Variants in DZIP1L observed in about 807,000 individuals in gnomAD.
DZIP1L encodes the protein cilium assembly protein DZIP1L.
Under a neutral mutation model 88.7 loss-of-function variants are expected in DZIP1L, and 90 were observed. The observed-to-expected ratio is 1.02, with a 90% CI of 0.86 to 1.21. DZIP1L has a LOEUF of 1.21. Ranked by LOEUF, DZIP1L falls within the 50% of genes most tolerant of loss-of-function variation. The probability of loss-of-function intolerance (pLI) is 0.00; values close to 1 mark genes in which losing one functional copy is unlikely to be tolerated. For synonymous variants in DZIP1L, 363 were observed against 372.1 expected, an observed-to-expected ratio of 0.98 and a Z score of 0.28; for missense variants, 932 against 955.8, an observed-to-expected ratio of 0.98 and a Z score of 0.33.
In DZIP1L at chr3:138,103,859, A is replaced by G; in HGVS notation, c.113T>C (p.Ile38Thr). The G allele has an allele frequency of 6.2e-7, 1 of 1,614,116 alleles. No homozygotes were observed. Among genetic ancestry groups the G allele is most frequent in the Non-Finnish European group, 8.5e-7 (1 of 1,180,046 alleles). Residue 38 changes from isoleucine to threonine, a missense_variant, in exon 2 of 16, where the codon ATT becomes ACT. Ile to Thr is a moderately conservative substitution (Grantham distance 89). Transcript: ENST00000327532. ...CACGCGGTCTACATCCAGGGTGCTA[A>G]TGCGTCTCCAGTCCATGCTATCATG... Reference protein sequence around the residue: ...PRHDSMDWRRISTLDVDRVAR... With the variant: ...PRHDSMDWRRTSTLDVDRVAR...
At position 138,101,315 on chromosome 3, in the gene DZIP1L, AG is replaced by A. The variant is rs1393184498; in HGVS notation, c.501+2155del. On this transcript the variant is annotated intron_variant, in intron 2 of 15. Coordinates refer to ENST00000327532, the MANE Select transcript of DZIP1L (RefSeq NM_173543.3). ...TGTTTTGTAGCTGGAGGCATGGGCAAGGGGGGTCCCTAGGCAGTAAACTCCC... is the reference window on the plus strand; with the variant it reads ...TGTTTTGTAGCTGGAGGCATGGGCAAGGGGGTCCCTAGGCAGTAAACTCCC... Among the ~76,000 whole-genome samples, 13 of 150,552 alleles carry A rather than the reference AG, an allele frequency of 8.6e-5. No individual in the cohort carries two copies. In the South Asian group the frequency reaches 2.7e-3, roughly 32 times the overall value.
At position 138,062,712 on chromosome 3, in the gene DZIP1L, T is replaced by G; in HGVS notation, c.*104A>C. The G allele has an allele frequency of 3.1e-6, 4 of 1,298,706 alleles. No homozygotes were observed. The highest frequency in any genetic ancestry group is 2.2e-6 in the Non-Finnish European group (2 of 917,920). The allele number at this position is 1,298,706 out of a possible 1,614,324, so 80.4% of individuals were successfully genotyped here. On this transcript the variant is annotated 3_prime_UTR_variant, in exon 16 of 16. Transcript: ENST00000327532. ...GCTTCTCTCCAAGAGGATGATCTCT[T>G]GGTTGTTTGTGAAGACAAGAGGCCC... is the stretch of plus-strand genomic sequence containing the variant.
rs543552063 is a variant in DZIP1L, at chr3:138,102,677, C to T, written c.501+794G>A. Reference sequence around the variant, plus strand: ...GTGCACATGGCCTGAATGTTGGGGTCCACCTCCAGGTTAAGGGGGCTCAGC... The same window carrying T: ...GTGCACATGGCCTGAATGTTGGGGTTCACCTCCAGGTTAAGGGGGCTCAGC... On this transcript the variant is annotated intron_variant, in intron 2 of 15. Transcript: ENST00000327532. The T allele has an allele frequency of 1.0e-4, 116 of 1,120,404 alleles. No homozygotes were observed. The African/African-American group carries it at 1.4e-3, about 13-fold the overall frequency. 69.4% of individuals were successfully genotyped at this position (1,120,404 alleles called of 1,614,324 possible). A position where few individuals can be genotyped will look rare whatever the true frequency, so the allele number is the denominator to read the frequency against.
chr3:138,111,107 T>C (rs1236231559), intron 1 of DZIP1L, among the ~76,000 whole-genome samples: 1 of 152,208 alleles, frequency 6.6e-6, no homozygotes, highest in Non-Finnish European at 1.5e-5. Flanking sequence ...GCTGAGACCA[T>C]GGCTTATTCG....
intron 12 of DZIP1L, among the ~76,000 whole-genome samples, chr3:138,071,062 G>A (rs528971155): frequency 3.3e-5 from 5 of 152,330 alleles, no homozygotes; most frequent in East Asian, 1.9e-4. Flanking sequence ...TGGCAGCTAT[G>A]ACCTGGCCCA....
Position 138,062,988 on chromosome 3 carries a change from T to A in DZIP1L, c.2143-11A>T. On this transcript the variant is annotated splice_polypyrimidine_tract_variant and intron_variant, in intron 15 of 15. Coordinates refer to ENST00000327532, the MANE Select transcript of DZIP1L (RefSeq NM_173543.3). ...CTCATCTTCAGAAAGCTGCAGGGGG[T>A]AAAGGGGAGAAGAAAATGCATTTTG... is the stretch of plus-strand genomic sequence containing the variant. 1 of 1,612,546 alleles carries A rather than the reference T, an allele frequency of 6.2e-7. No individual in the cohort carries two copies. Among genetic ancestry groups the A allele is most frequent in the South Asian group, 1.1e-5 (1 of 90,990 alleles).
chr3:138,088,543 G>T, intron 5 of DZIP1L, 36 bp from the exon 6 acceptor site: 1 of 1,604,950 alleles, frequency 6.2e-7, no homozygotes, highest in South Asian at 1.1e-5. Flanking sequence ...TTCAGATGAA[G>T]ATCTCATCAT....
chr3:138,064,679 A>C lies in DZIP1L; in HGVS notation c.2091T>G (p.Phe697Leu). The C allele has an allele frequency of 2.5e-6, 4 of 1,614,132 alleles. No homozygotes were observed. Among genetic ancestry groups the C allele is most frequent in the Non-Finnish European group, 3.4e-6 (4 of 1,180,004 alleles). ...KKPAGGVSLF[F>L]MPNAGPQRAA... is the part of the protein sequence containing the mutation. The stretch of plus-strand genomic sequence containing the variant: ...CCCTCTGTGGCCCAGCATTGGGCAT[A>C]AAAAACAGACTGACCCCTCCAGCAG... Residue 697 changes from phenylalanine (F) to leucine (L), a missense_variant, in exon 15 of 16, where the codon TTT becomes TTG. Physicochemically the swap from Phe to Leu is conservative, Grantham distance 22 (BLOSUM62 0). Transcript: ENST00000327532.
intron 2 of DZIP1L, chr3:138,102,355 T>C: frequency 8.3e-7 from 1 of 1,198,446 alleles, no homozygotes. Flanking sequence ...TTCTCCATCT[T>C]TGTATGCTTA....
intron 14 of DZIP1L, among the ~76,000 whole-genome samples, chr3:138,067,077 G>C (rs576470188): frequency 6.6e-6 from 1 of 152,158 alleles, no homozygotes; most frequent in South Asian, 2.1e-4. Flanking sequence ...GGCTGGAGGG[G>C]CCCCCACTTT....
chr3:138,069,072 C>T, intron 12 of DZIP1L: 2 of 1,084,588 alleles, frequency 1.8e-6, no homozygotes, highest in Admixed American at 3.1e-5. Flanking sequence ...TGGGGTTGAA[C>T]AGCCATGGGT....
chr3:138,079,282 T>A (rs1391868337), intron 10 of DZIP1L, among the ~76,000 whole-genome samples: 3 of 152,222 alleles, frequency 2.0e-5, no homozygotes, highest in African/African-American at 7.2e-5. Flanking sequence ...CTATCTGAGT[T>A]ACTCAACAGA....
chr3:138,069,614 T>C (rs1442795854), intron 12 of DZIP1L, among the ~76,000 whole-genome samples: 1 of 152,180 alleles, frequency 6.6e-6, no homozygotes, highest in Non-Finnish European at 1.5e-5. Context: ...GTGTACCAGA[T>C]ACTAAGAAAA....
In DZIP1L at chr3:138,103,671, G is replaced by A; in HGVS notation, c.301C>T (p.Gln101Ter). 6.2e-7 allele frequency: 1 copy of A among 1,610,226 alleles called. No homozygotes were observed. The highest frequency in any genetic ancestry group is 8.5e-7 in the Non-Finnish European group (1 of 1,179,722). Residue 101 changes from glutamine (Q) to a stop codon, truncating the protein, a stop_gained, in exon 2 of 16, where the codon CAG becomes TAG. Transcript: ENST00000327532. LOFTEE classifies it high-confidence loss of function. Reference protein sequence around the residue: ...QLIIEYLLHCQDCLSASVAQL... With the variant: ...QLIIEYLLHC ...GCAACACTGGCACTCAGGCAATCCT[G>A]GCAGTGCAGCAGGTACTCAATGATG...
Position 138,104,064 on chromosome 3 carries a change from GA to G in DZIP1L, c.-81-13del, listed in dbSNP as rs1174775364. 1 of 1,511,384 alleles carries G rather than the reference GA, an allele frequency of 6.6e-7. No individual in the cohort carries two copies. The highest frequency in any genetic ancestry group is 8.8e-7 in the Non-Finnish European group (1 of 1,142,518). The allele number at this position is 1,511,384 out of a possible 1,614,324, so 93.6% of individuals were successfully genotyped here. A position where few individuals can be genotyped will look rare whatever the true frequency, so the allele number is the denominator to read the frequency against. On this transcript the variant is annotated splice_polypyrimidine_tract_variant and intron_variant, in intron 1 of 15. Coordinates refer to ENST00000327532, the MANE Select transcript of DZIP1L (RefSeq NM_173543.3). ...AGCTGAGAGAAGGCCTGGAAAATAA[GA>G]AGAGAGTCCAAGTTAGGTGAGGTGT...
intron 1 of DZIP1L, among the ~76,000 whole-genome samples, chr3:138,109,728 G>A (rs2042586526): frequency 6.6e-6 from 1 of 152,186 alleles, no homozygotes; most frequent in South Asian, 2.1e-4. Flanking sequence ...ATTAATGATA[G>A]ACTGGATGAA....
rs114798930 is a variant in DZIP1L at position 138,075,937 on chromosome 3, G to A, written c.1422+1562C>T. ...TCGCACCACTGCACTCCAGCATGGT[G>A]ACAGAGCGAGATTCGTCTCAAAAAA... On this transcript the variant is annotated intron_variant, in intron 11 of 15. Coordinates refer to ENST00000327532, the MANE Select transcript of DZIP1L (RefSeq NM_173543.3). Among the ~76,000 whole-genome samples the A allele has an allele frequency of 3.9e-3, 600 of 152,248 alleles. 1 individual carries two copies. The highest frequency in any genetic ancestry group is 0.013 in the African/African-American group (538 of 41,538).
Position 138,081,715 on chromosome 3 carries a change from G to T in DZIP1L, c.1234+19C>A. On this transcript the variant is annotated intron_variant, in intron 9 of 15. Coordinates refer to ENST00000327532, the MANE Select transcript of DZIP1L (RefSeq NM_173543.3). ...ACAATAGTCAAGACTGCTACACACT[G>T]CCCTGTGTAGACACTTACCTTCCAC... is the stretch of plus-strand genomic sequence containing the variant. 1 of 1,611,278 alleles carries T rather than the reference G, an allele frequency of 6.2e-7. No homozygotes were observed. Among genetic ancestry groups the T allele is most frequent in the South Asian group, 1.1e-5 (1 of 90,616 alleles).
chr3:138,068,866 C>T (rs1943042370), intron 12 of DZIP1L: 2 of 1,208,132 alleles, frequency 1.7e-6, no homozygotes, highest in South Asian at 3.7e-5. Flanking sequence ...GGACACAGCC[C>T]CTCTGTTTTC....
Sources: gnomAD v4.1 joint callset for allele counts (sites outside exome capture counted in the v4.1 genomes callset) on GRCh38, gnomAD v4.1.1 for gene constraint, MANE v1.5 for transcripts, NCBI Gene and HGNC (gene_info 2026-07-23, HGNC 2026-07-21) for gene names.